CHURC1: variants seen among roughly 807,000 people sequenced by gnomAD.
The protein encoded by CHURC1 is protein Churchill.
In CHURC1, 12 loss-of-function variants were observed where a neutral mutation model predicts 15.4. The ratio of observed to expected loss-of-function variants is 0.78; its 90% CI spans 0.50 to 1.27. CHURC1 has a LOEUF of 1.27. Among genes scored for constraint, CHURC1 ranks in the 50% most tolerant of loss-of-function variants. The pLI, the probability that CHURC1 is intolerant of heterozygous loss-of-function variation, is 0.00. For synonymous variants in CHURC1, 42 were observed against 47.5 expected (o/e 0.88, Z 0.48); for missense variants, 132 against 137.8 (o/e 0.96, Z 0.21).
In CHURC1 at chr14:64,924,057, C is replaced by T. The variant is rs1227451163; in HGVS notation, c.106C>T (p.Arg36Trp). Reference sequence around the variant, plus strand: ...TACAGGCTGTGCAGTGTGCAGTAAGCGGGATTTTATGCTGATCACAAACAA... The same window carrying T: ...TACAGGCTGTGCAGTGTGCAGTAAGTGGGATTTTATGCTGATCACAAACAA... ...NFTGCAVCSKRDFMLITNKSL... is the reference protein window; with the variant it reads ...NFTGCAVCSKWDFMLITNKSL... Residue 36 changes from arginine (R) to tryptophan (W), a missense_variant, in exon 2 of 4, where the codon CGG (arginine) becomes TGG (tryptophan). Arg to Trp is a moderately radical substitution (Grantham distance 101). Coordinates refer to ENST00000549115, the MANE Select transcript of CHURC1 (RefSeq NM_001386928.1). 13 of 1,607,342 alleles carry T rather than the reference C, an allele frequency of 8.1e-6. No homozygotes were observed. The highest frequency in any genetic ancestry group is 2.2e-5 in the East Asian group (1 of 44,628).
intron 3 of CHURC1, among the ~76,000 whole-genome samples, chr14:64,929,047 C>T (rs1448683214): frequency 1.3e-5 from 2 of 152,028 alleles, no homozygotes; most frequent in African/African-American, 4.8e-5. Flanking sequence ...GACTCTGGCA[C>T]CACACCTCAT....
chr14:64,923,787 C>CTTTTT (rs60825476), intron 1 of CHURC1, among the ~76,000 whole-genome samples: 7 of 77,042 alleles, frequency 9.1e-5, no homozygotes, highest in Admixed American at 1.3e-4. Context: ...ACTTTAGTTG[C>CTTTTT]TTTTTTTTTT....
chr14:64,930,289 T>C (rs777449035), intron 3 of CHURC1, among the ~76,000 whole-genome samples: 3 of 152,182 alleles, frequency 2.0e-5, no homozygotes, highest in Non-Finnish European at 4.4e-5. Context: ...TGTCCTAATC[T>C]CATCATATTC....
chr14:64,915,480 A>G (rs913544562), intron 1 of CHURC1, among the ~76,000 whole-genome samples: 7 of 152,254 alleles, frequency 4.6e-5, no homozygotes, highest in African/African-American at 1.7e-4. Context: ...GGTGGACATC[A>G]TCTAAGACTT....
chr14:64,925,771 C>G (rs1349441840), intron 2 of CHURC1, among the ~76,000 whole-genome samples: 2 of 148,802 alleles, frequency 1.3e-5, no homozygotes, highest in Admixed American at 6.7e-5. Flanking sequence ...AACTGCTTCT[C>G]TTAAAGAACT....
chr14:64,915,272 A>G (rs1179323774), intron 1 of CHURC1, among the ~76,000 whole-genome samples: 5 of 152,278 alleles, frequency 3.3e-5, no homozygotes, highest in Admixed American at 1.3e-4. Flanking sequence ...TGCTGGGATT[A>G]CTGGCATGAG....
At chr14:64,923,868 C>G (rs930811219) in intron 1 of CHURC1, 123 bp from the exon 2 acceptor site, 1 of 876,420 alleles carries the variant, frequency 1.1e-6, no homozygotes, top group Middle Eastern at 3.9e-4. Context: ...GGTATATGAC[C>G]TAGAAGTAAA....
intron 1 of CHURC1, among the ~76,000 whole-genome samples, chr14:64,917,363 G>C (rs940383919): frequency 6.6e-6 from 1 of 152,240 alleles, no homozygotes; most frequent in Non-Finnish European, 1.5e-5. Flanking sequence ...AGGAGTTCGA[G>C]ACCAGCTTGG....
intron 2 of CHURC1, among the ~76,000 whole-genome samples, chr14:64,924,878 T>C (rs1300824442): frequency 6.6e-6 from 1 of 152,192 alleles, no homozygotes; most frequent in Admixed American, 6.5e-5. Flanking sequence ...TCTAAACACA[T>C]GAGGAATAAA....
chr14:64,934,897 A>G lies in CHURC1; in HGVS notation c.*2667A>G, dbSNP rs902738937. ...TTAAAACATAAGATCCTCTCTCTATATTTCATTATTGGTGAACCCACATTG... is the reference window on the plus strand; with the variant it reads ...TTAAAACATAAGATCCTCTCTCTATGTTTCATTATTGGTGAACCCACATTG... On this transcript the variant is annotated 3_prime_UTR_variant, in exon 4 of 4. Coordinates refer to ENST00000549115, the MANE Select transcript of CHURC1 (RefSeq NM_001386928.1). The G allele has an allele frequency of 2.0e-6, 2 of 984,012 alleles. No homozygotes were observed. Among genetic ancestry groups the G allele is most frequent in the Admixed American group, 6.2e-5 (1 of 16,258 alleles). The allele number at this position is 984,012 out of a possible 1,614,324, so 61.0% of individuals were successfully genotyped here. A position where few individuals can be genotyped will look rare whatever the true frequency, so the allele number is the denominator to read the frequency against.
At chr14:64,925,260 C>G (rs189490818) in intron 2 of CHURC1, among the ~76,000 whole-genome samples, 27 of 152,220 alleles carry the variant, frequency 1.8e-4, no homozygotes, top group Non-Finnish European at 2.9e-4. Context: ...ATCGTTTTTA[C>G]TAGATTATTT....
At position 64,923,973 on chromosome 14, in the gene CHURC1, C is replaced by A; in HGVS notation, c.40-18C>A. Reference sequence around the variant, plus strand: ...TTTGAAATGTAAAGAAATTAAATTCCTGTTTCTGATATTTTAGGGTAATAC... The same window carrying A: ...TTTGAAATGTAAAGAAATTAAATTCATGTTTCTGATATTTTAGGGTAATAC... On this transcript the variant is annotated intron_variant, in intron 1 of 3. Transcript: ENST00000549115. 6.7e-7 allele frequency: 1 copy of A among 1,486,918 alleles called. No individual in the cohort carries two copies. Among genetic ancestry groups the A allele is most frequent in the Non-Finnish European group, 9.0e-7 (1 of 1,112,016 alleles). 92.1% of individuals were successfully genotyped at this position (1,486,918 alleles called of 1,614,324 possible).
chr14:64,922,577 C>CAAAAAAAAAAAA (rs572205182), intron 1 of CHURC1, among the ~76,000 whole-genome samples: 2 of 84,034 alleles, frequency 2.4e-5, no homozygotes, highest in Non-Finnish European at 2.5e-5. Flanking sequence ...GACTCCGTCT[C>CAAAAAAAAAAAA]AAAAAAAAAA....
Position 64,934,669 on chromosome 14 carries a change from G to A in CHURC1, c.*2439G>A. 1 of 985,396 alleles carries A rather than the reference G, an allele frequency of 1.0e-6. No individual in the cohort carries two copies. The highest frequency in any genetic ancestry group is 1.2e-6 in the Non-Finnish European group (1 of 829,922). The allele number at this position is 985,396 out of a possible 1,614,324, so 61.0% of individuals were successfully genotyped here. A position where few individuals can be genotyped will look rare whatever the true frequency, so the allele number is the denominator to read the frequency against. Reference sequence around the variant, plus strand: ...GAAATCGTTTGGTGAAATGAATCCAGAAAGCAGAGAAAATGCTTCATTACT... The same window carrying A: ...GAAATCGTTTGGTGAAATGAATCCAAAAAGCAGAGAAAATGCTTCATTACT... On this transcript the variant is annotated 3_prime_UTR_variant, in exon 4 of 4. Coordinates refer to ENST00000549115, the MANE Select transcript of CHURC1 (RefSeq NM_001386928.1).
intron 1 of CHURC1, among the ~76,000 whole-genome samples, chr14:64,920,592 A>G (rs1884211889): frequency 6.6e-6 from 1 of 152,170 alleles, no homozygotes; most frequent in African/African-American, 2.4e-5. Context: ...GCATTTACTT[A>G]CCAGACAACA....
Position 64,924,046 on chromosome 14 carries a change from T to C in CHURC1, c.95T>C (p.Val32Ala), listed in dbSNP as rs776619523. ...SFLLNFTGCA[V>A]CSKRDFMLIT... is the part of the protein sequence containing the mutation. The stretch of plus-strand genomic sequence containing the variant: ...TTACTGAACTTTACAGGCTGTGCAG[T>C]GTGCAGTAAGCGGGATTTTATGCTG... The change falls in exon 2 of 4, where the codon GTG becomes GCG. Residue 32 changes from valine to alanine, a missense_variant. Physicochemically the swap from Val to Ala is moderately conservative, Grantham distance 64. Coordinates refer to ENST00000549115, the MANE Select transcript of CHURC1 (RefSeq NM_001386928.1). 6 of 1,607,384 alleles carry C rather than the reference T, an allele frequency of 3.7e-6. No homozygotes were observed. The South Asian group carries it at 4.5e-5, about 12-fold the overall frequency.
chr14:64,926,819 T>C (rs977279605), intron 3 of CHURC1, among the ~76,000 whole-genome samples: 1 of 152,192 alleles, frequency 6.6e-6, no homozygotes, highest in African/African-American at 2.4e-5. Flanking sequence ...CCTTACACAA[T>C]TGTGAGAGTA....
chr14:64,928,651 G>C (rs919841684), intron 3 of CHURC1, among the ~76,000 whole-genome samples: 1 of 151,510 alleles, frequency 6.6e-6, no homozygotes, highest in East Asian at 2.0e-4. Flanking sequence ...TCTCTCATAC[G>C]TTTCCTATAA....
chr14:64,929,432 A>T (rs1884948824), intron 3 of CHURC1, among the ~76,000 whole-genome samples: 1 of 152,064 alleles, frequency 6.6e-6, no homozygotes, highest in East Asian at 1.9e-4. Flanking sequence ...CCACCTGGGA[A>T]CTTCTACCTC....
Sources: gnomAD v4.1 joint callset for allele counts (sites outside exome capture counted in the v4.1 genomes callset) on GRCh38, gnomAD v4.1.1 for gene constraint, MANE v1.5 for transcripts, NCBI Gene and HGNC (gene_info 2026-07-23, HGNC 2026-07-21) for gene names.